The following TICRR variants were observed in gnomAD, a reference collection of about 807,000 sequenced individuals.
TICRR encodes the protein TOPBP1 interacting checkpoint and replication regulator, also known as treslin.
In TICRR, 132 loss-of-function variants were observed where a neutral mutation model predicts 178.1. The ratio of observed to expected loss-of-function variants is 0.74; its 90% CI spans 0.64 to 0.86. The LOEUF (loss-of-function observed/expected upper bound fraction) is 0.86, where lower values mean the gene tolerates loss of function less well. Ranked by LOEUF, TICRR falls within the 40% of genes least tolerant of loss-of-function variation. TICRR has a pLI of 0.00. For synonymous variants in TICRR, 991 were observed against 900.7 expected (o/e 1.10, Z -1.79); for missense variants, 2,587 against 2,334.3 (o/e 1.11, Z -2.23).
In TICRR at chr15:89,627,125, C is replaced by T. The variant is rs1419075846; in HGVS notation, c.*39C>T. 2 of 1,611,380 alleles carry T rather than the reference C, an allele frequency of 1.2e-6. No homozygotes were observed. The highest frequency in any genetic ancestry group is 1.7e-6 in the Non-Finnish European group (2 of 1,179,200). On this transcript the variant is annotated 3_prime_UTR_variant, in exon 22 of 22. Transcript: ENST00000268138. Reference sequence around the variant, plus strand: ...TGAGCCCAAAAGATCAAGGAGTCAGCCAGGACCCTGTGGACATAAAGAAGT... The same window carrying T: ...TGAGCCCAAAAGATCAAGGAGTCAGTCAGGACCCTGTGGACATAAAGAAGT...
intron 12 of TICRR, among the ~76,000 whole-genome samples, chr15:89,602,478 T>C (rs1348276401): frequency 1.3e-5 from 2 of 152,278 alleles, no homozygotes; most frequent in Admixed American, 1.3e-4. Context: ...ATTGCATGAC[T>C]GTATAGTGTT....
Position 89,624,853 on chromosome 15 carries a change from C to G in TICRR, c.4543C>G (p.Pro1515Ala). 6.2e-7 allele frequency: 1 copy of G among 1,613,998 alleles called. No homozygotes were observed. Among genetic ancestry groups the G allele is most frequent in the Non-Finnish European group, 8.5e-7 (1 of 1,179,892 alleles). Reference sequence around the variant, plus strand: ...TCCCCCATCTCCTCCTTCCTGTGGGCCTGGCTCTCCTCTGATGCCTTCCCG... The same window carrying G: ...TCCCCCATCTCCTCCTTCCTGTGGGGCTGGCTCTCCTCTGATGCCTTCCCG... ...GIPPSPPSCG[P>A]GSPLMPSRDV... The change falls in exon 20 of 22, where the codon CCT becomes GCT. Residue 1515 changes from proline (P) to alanine (A), a missense_variant. Physicochemically the swap from Pro to Ala is conservative, Grantham distance 27 (BLOSUM62 -1). Transcript: ENST00000268138.
intron 1 of TICRR, among the ~76,000 whole-genome samples, chr15:89,580,543 T>C (rs1025417819): frequency 6.6e-6 from 1 of 152,246 alleles, no homozygotes; most frequent in Admixed American, 6.5e-5. Flanking sequence ...AATTAATTGG[T>C]TAATCTAATA....
rs374963310 is a variant in TICRR, at chr15:89,576,045, C to G, written c.459C>G (p.Ala153=). 1.2e-6 allele frequency: 2 copies of G among 1,610,532 alleles called. No individual in the cohort carries two copies. Among genetic ancestry groups the G allele is most frequent in the Non-Finnish European group, 1.7e-6 (2 of 1,179,224 alleles). ...CCGCGCTCGGGGGCTTGGTGAACGC[C>G]GTCTTCCTCCTGGCCCCCTGTCCGC... ...AEAALGGLVN[A]VFLLAPCPHS... Residue 153 remains alanine, a synonymous_variant, in exon 1 of 22, where the codon GCC becomes GCG. Coordinates refer to ENST00000268138, the MANE Select transcript of TICRR (RefSeq NM_152259.4).
At chr15:89,579,028 C>G (rs1040079398) in intron 1 of TICRR, among the ~76,000 whole-genome samples, 9 of 152,262 alleles carry the variant, frequency 5.9e-5, no homozygotes, top group Non-Finnish European at 1.2e-4. Flanking sequence ...CCTGCACTTA[C>G]ATTGGAGGCA....
intron 4 of TICRR, among the ~76,000 whole-genome samples, chr15:89,589,600 G>A (rs1369721661): frequency 6.6e-6 from 1 of 152,146 alleles, no homozygotes; most frequent in South Asian, 2.1e-4. Context: ...AGCATACAAC[G>A]ACTTGAGAAG....
At chr15:89,619,642 G>T in intron 17 of TICRR, 66 bp from the exon 18 acceptor site, 1 of 1,542,638 alleles carries the variant, frequency 6.5e-7, no homozygotes, top group Non-Finnish European at 8.7e-7. Flanking sequence ...CCCGGTTTTG[G>T]ACAACATGAG....
chr15:89,624,250 T>G lies in TICRR; in HGVS notation c.3940T>G (p.Ser1314Ala). The G allele has an allele frequency of 1.2e-6, 2 of 1,614,184 alleles. No homozygotes were observed. Among genetic ancestry groups the G allele is most frequent in the Non-Finnish European group, 1.7e-6 (2 of 1,180,038 alleles). The change falls in exon 20 of 22, where the codon TCT becomes GCT. Residue 1314 changes from serine to alanine, a missense_variant. By Grantham distance (99) the Ser-to-Ala change is moderately conservative. Transcript: ENST00000268138. The stretch of plus-strand genomic sequence containing the variant: ...TGTTACGCCAAAGAAACTGTTTACC[T>G]CTCCTTTATGTGATGTCTCCAAGAA... ...PPVTPKKLFT[S>A]PLCDVSKKSP...
At position 89,582,750 on chromosome 15, in the gene TICRR, G is replaced by C. The variant is rs1354101752; in HGVS notation, c.719G>C (p.Gly240Ala). The C allele has an allele frequency of 6.2e-7, 1 of 1,614,074 alleles. No individual in the cohort carries two copies. The highest frequency in any genetic ancestry group is 8.5e-7 in the Non-Finnish European group (1 of 1,180,026). ...TGTGAACTGCTCCACCACGGAGGTGGCACTGTCTTGCCATCTGAATCTTTC... is the reference window on the plus strand; with the variant it reads ...TGTGAACTGCTCCACCACGGAGGTGCCACTGTCTTGCCATCTGAATCTTTC... ...TVCELLHHGG[G>A]TVLPSESFSW... Residue 240 changes from glycine to alanine, a missense_variant, in exon 2 of 22, where the codon GGC becomes GCC. Coordinates refer to ENST00000268138, the MANE Select transcript of TICRR (RefSeq NM_152259.4).
At position 89,623,868 on chromosome 15, in the gene TICRR, C is replaced by T. The variant is rs562432045; in HGVS notation, c.3558C>T (p.Thr1186=). Residue 1186 remains threonine, a synonymous_variant, in exon 20 of 22, where the codon ACC becomes ACT. Transcript: ENST00000268138. ...GACATACCCAGGCAGGAGAAGGTAC[C>T]TCTCTTGAAACGAAGACACCAAGAA... is the stretch of plus-strand genomic sequence containing the variant. ...QKRHTQAGEG[T]SLETKTPRTP... 46 of 1,613,902 alleles carry T rather than the reference C, an allele frequency of 2.9e-5. No individual in the cohort carries two copies. In the African/African-American group the frequency reaches 4.9e-4, roughly 17 times the overall value.
chr15:89,623,816 T>C lies in TICRR; in HGVS notation c.3506T>C (p.Leu1169Ser). ...DSSSPGHDSP[L>S]DSKITPQKRH... is the part of the protein sequence containing the mutation. ...TCCTCACCCGGCCATGACTCACCAT[T>C]GGATTCAAAAATCACTCCTCAAAAA... Residue 1169 changes from leucine to serine, a missense_variant, in exon 20 of 22, where the codon TTG becomes TCG. Physicochemically the swap from Leu to Ser is moderately radical, Grantham distance 145 (BLOSUM62 -2). Transcript: ENST00000268138. 3 of 1,613,834 alleles carry C rather than the reference T, an allele frequency of 1.9e-6. No homozygotes were observed. The highest frequency in any genetic ancestry group is 2.5e-6 in the Non-Finnish European group (3 of 1,179,984).
intron 9 of TICRR, among the ~76,000 whole-genome samples, 187 bp downstream of exon 9, chr15:89,600,872 G>A (rs1000763396): frequency 2.6e-5 from 4 of 151,808 alleles, no homozygotes; most frequent in Admixed American, 1.3e-4. Flanking sequence ...TAGTGAGACC[G>A]TGTCTACCAA....
chr15:89,624,120 T>G lies in TICRR; in HGVS notation c.3810T>G (p.His1270Gln), dbSNP rs765187209. Reference sequence around the variant, plus strand: ...AGAATCAAACACACCAACAGCCCCATGTCCTCAGAGCTGCTCGGGCAGAGG... The same window carrying G: ...AGAATCAAACACACCAACAGCCCCAGGTCCTCAGAGCTGCTCGGGCAGAGG... ...TPQNQTHQQPHVLRAARAEEP... is the reference protein window; with the variant it reads ...TPQNQTHQQPQVLRAARAEEP... Residue 1270 changes from histidine (H) to glutamine (Q), a missense_variant, in exon 20 of 22, where the codon CAT (histidine) becomes CAG (glutamine). His to Gln is a conservative substitution (Grantham distance 24). Transcript: ENST00000268138. 1 of 1,613,192 alleles carries G rather than the reference T, an allele frequency of 6.2e-7. No homozygotes were observed.
chr15:89,606,838 C>A lies in TICRR; in HGVS notation c.2722+13C>A, dbSNP rs763743423. ...GATACAGTGCAAGGTATACTGTTTT[C>A]TCAGTGTATGTATTTATTCACTAGC... is the stretch of plus-strand genomic sequence containing the variant. On this transcript the variant is annotated intron_variant, in intron 14 of 21. Transcript: ENST00000268138. The A allele has an allele frequency of 2.5e-6, 4 of 1,610,690 alleles. No individual in the cohort carries two copies. In the South Asian group the frequency reaches 4.4e-5, roughly 18 times the overall value.
At position 89,589,953 on chromosome 15, in the gene TICRR, C is replaced by CA. The variant is rs576647169; in HGVS notation, c.1412-2086dup. 1.5e-4 allele frequency among the ~76,000 whole-genome samples: 23 copies of CA among 151,184 alleles called. No homozygotes were observed. The South Asian group carries it at 4.2e-3, about 27-fold the overall frequency. On this transcript the variant is annotated intron_variant, in intron 4 of 21. Coordinates refer to ENST00000268138, the MANE Select transcript of TICRR (RefSeq NM_152259.4). ...AAGACCCTGTCTCAATTAAAAACAA[C>CA]AAAAAAAAGTGCAATCCTAATAAAA...
At chr15:89,626,224 A>G (rs1459223453) in intron 21 of TICRR, among the ~76,000 whole-genome samples, 163 bp downstream of exon 21, 2 of 152,200 alleles carry the variant, frequency 1.3e-5, no homozygotes, top group African/African-American at 4.8e-5. Flanking sequence ...GAGAAACTCC[A>G]CATTAGAACT....
intron 17 of TICRR, among the ~76,000 whole-genome samples, chr15:89,619,493 A>T (rs1159381221): frequency 6.6e-6 from 1 of 152,132 alleles, no homozygotes; most frequent in East Asian, 1.9e-4. Context: ...GTAATAGTCT[A>T]GTGGGTCAGT....
chr15:89,623,530 T>C lies in TICRR; in HGVS notation c.3313-93T>C, dbSNP rs183366292. Reference sequence around the variant, plus strand: ...TTTAGATCATTCCTTTGGCTGACTATAAATCTCCCATTTGGTCTTAGAGAT... The same window carrying C: ...TTTAGATCATTCCTTTGGCTGACTACAAATCTCCCATTTGGTCTTAGAGAT... On this transcript the variant is annotated intron_variant, in intron 19 of 21. Transcript: ENST00000268138. 3.9e-5 allele frequency: 50 copies of C among 1,274,232 alleles called. No individual in the cohort carries two copies. In the Admixed American group the frequency reaches 8.4e-4, roughly 21 times the overall value. The allele number at this position is 1,274,232 out of a possible 1,614,324, so 78.9% of individuals were successfully genotyped here.
In TICRR at chr15:89,619,702, T is replaced by C. The variant is rs759777118; in HGVS notation, c.3020-6T>C. ...TTGGTTACTTACTGTGGTTCTGATT[T>C]TACAGAAATAAGTCTGAGACGAAGT... On this transcript the variant is annotated splice_region_variant and splice_polypyrimidine_tract_variant and intron_variant, in intron 17 of 21. Transcript: ENST00000268138. 25 of 1,602,226 alleles carry C rather than the reference T, an allele frequency of 1.6e-5. No individual in the cohort carries two copies. Among genetic ancestry groups the C allele is most frequent in the Admixed American group, 3.5e-5 (2 of 56,882 alleles).
Sources: allele counts gnomAD v4.1 joint callset (sites outside exome capture counted in the v4.1 genomes callset), GRCh38; gene constraint gnomAD v4.1.1; transcripts MANE v1.5; gene names NCBI Gene and HGNC (gene_info 2026-07-23, HGNC 2026-07-21).